The following KDM6A variants were observed in gnomAD, a reference collection of about 807,000 sequenced individuals.
The protein encoded by KDM6A is lysine-specific demethylase 6A.
In KDM6A, 11 loss-of-function variants were observed where a neutral mutation model predicts 117.6. That is an observed-to-expected ratio of 0.09 (90% CI 0.06 to 0.15). The LOEUF (loss-of-function observed/expected upper bound fraction) is 0.15. KDM6A is among the 10% of genes least tolerant of loss of function. The pLI is 1.00. For synonymous variants in KDM6A, 384 were observed against 396.1 expected (o/e 0.97, Z 0.36); for missense variants, 799 against 1,077.3 (o/e 0.74, Z 3.62).
intron 2 of KDM6A, among the ~76,000 whole-genome samples, chrX:44,876,963 G>A (rs776795750): frequency 9.0e-6 from 1 of 110,761 alleles, no homozygotes; most frequent in South Asian, 3.6e-4. Flanking sequence ...ATATACGCAC[G>A]TATATGAATA....
intron 2 of KDM6A, among the ~76,000 whole-genome samples, chrX:44,930,719 T>TA (rs946025789): frequency 8.0e-5 from 9 of 112,172 alleles, no homozygotes; most frequent in African/African-American, 2.9e-4. Context: ...AGTTGAAAGA[T>TA]ACGCACTTTT....
intron 27 of KDM6A, among the ~76,000 whole-genome samples, chrX:45,093,152 C>T (rs186864750): frequency 1.8e-5 from 2 of 109,657 alleles, no homozygotes; most frequent in East Asian, 2.9e-4. Flanking sequence ...GAGGCCGAGG[C>T]GAGCCGGATC....
At chrX:44,930,320 T>A (rs1434954337) in intron 2 of KDM6A, among the ~76,000 whole-genome samples, 1 of 111,826 alleles carries the variant, frequency 8.9e-6, no homozygotes, top group African/African-American at 3.3e-5. Flanking sequence ...ATTTTTTCTC[T>A]GATGTATTGT....
chrX:44,967,174 T>C (rs1275287548), intron 3 of KDM6A, among the ~76,000 whole-genome samples: 2 of 111,548 alleles, frequency 1.8e-5, no homozygotes, highest in Non-Finnish European at 3.8e-5. Flanking sequence ...CTGGCTAAAA[T>C]AAAATTCTCT....
chrX:44,989,277 C>G (rs1286678517), intron 4 of KDM6A, among the ~76,000 whole-genome samples: 1 of 102,207 alleles, frequency 9.8e-6, no homozygotes, highest in Non-Finnish European at 2.0e-5. Flanking sequence ...TGGGAGTGAC[C>G]TGATTTTCCG....
At chrX:44,970,438 A>G (rs1250941682) in intron 3 of KDM6A, among the ~76,000 whole-genome samples, 2 of 110,776 alleles carry the variant, frequency 1.8e-5, no homozygotes, top group African/African-American at 6.6e-5. Context: ...GTTTTTTTGT[A>G]ACATCTTTTC....
intron 6 of KDM6A, among the ~76,000 whole-genome samples, chrX:45,032,889 A>C (rs2042658293): frequency 8.9e-6 from 1 of 112,606 alleles, no homozygotes; most frequent in African/African-American, 3.2e-5. Context: ...ATTACACAAA[A>C]CATGGTCAAG....
rs192587132 is a variant in KDM6A at position 45,067,367 on chromosome X, C to T, written c.2080-2212C>T. 6.2e-3 allele frequency among the ~76,000 whole-genome samples: 690 copies of T among 111,767 alleles called. 6 individuals carry two copies. Among genetic ancestry groups the T allele is most frequent in the African/African-American group, 0.021 (637 of 30,764 alleles). The stretch of plus-strand genomic sequence containing the variant: ...TAGAGAAGATGTAATAAAATAGTTA[C>T]TTTGTCACATTTCTGCATATTGTAA... On this transcript the variant is annotated intron_variant, in intron 17 of 29. Coordinates refer to ENST00000611820, the MANE Select transcript of KDM6A (RefSeq NM_001291415.2).
chrX:44,922,708 A>G (rs1381356908), intron 2 of KDM6A, among the ~76,000 whole-genome samples: 1 of 112,622 alleles, frequency 8.9e-6, no homozygotes, highest in Non-Finnish European at 1.9e-5. Flanking sequence ...ACCTCAGGTG[A>G]TCCTCCCGCC....
At chrX:44,885,375 C>T (rs2146547780) in intron 2 of KDM6A, among the ~76,000 whole-genome samples, 1 of 110,316 alleles carries the variant, frequency 9.1e-6, no homozygotes, top group Admixed American at 9.8e-5. Context: ...TGCCCCCATC[C>T]TAATTGCAGC....
chrX:45,061,441 A>G lies in KDM6A; in HGVS notation c.1581+22A>G, dbSNP rs745571937. The stretch of plus-strand genomic sequence containing the variant: ...ACAGGTATGTAAGATGTTTTTGACA[A>G]ATTGTTTATTAAAAAGGAGTAGAGG... On this transcript the variant is annotated intron_variant, in intron 15 of 29. Transcript: ENST00000611820. 6.1e-5 allele frequency: 53 copies of G among 874,822 alleles called. No individual in the cohort carries two copies. The South Asian group carries it at 1.1e-3, about 19-fold the overall frequency. 72.1% of individuals were successfully genotyped at this position (874,822 alleles called of 1,213,427 possible).
chrX:44,957,052 C>T (rs1008139770), intron 2 of KDM6A, among the ~76,000 whole-genome samples: 4 of 110,368 alleles, frequency 3.6e-5, no homozygotes, highest in African/African-American at 1.3e-4. Context: ...ATCGCTTGCA[C>T]GCAGGAGGCC....
rs758859596 is a variant in KDM6A at position 44,984,357 on chromosome X, G to A, written c.384+9642G>A. ...TTGTAAAAATTTTCTCCCATTTTGT[G>A]GGTTGCCTGTTCACTCTGATGGTAG... On this transcript the variant is annotated intron_variant, in intron 4 of 29. Transcript: ENST00000611820. 3.0e-3 allele frequency among the ~76,000 whole-genome samples: 336 copies of A among 111,015 alleles called. 4 individuals are homozygous for A. In the South Asian group the frequency reaches 0.035, roughly 11 times the overall value.
intron 4 of KDM6A, among the ~76,000 whole-genome samples, chrX:44,987,682 G>A (rs2040313245): frequency 9.0e-6 from 1 of 111,414 alleles, no homozygotes; most frequent in African/African-American, 3.3e-5. Flanking sequence ...AGTTTGGCTG[G>A]ATATGAAATT....
At chrX:45,015,918 C>T (rs2041942661) in intron 5 of KDM6A, among the ~76,000 whole-genome samples, 1 of 111,309 alleles carries the variant, frequency 9.0e-6, no homozygotes, top group African/African-American at 3.3e-5. Flanking sequence ...AATAATCCCA[C>T]TCCTGAAGTG....
chrX:45,026,952 GTTTC>G (rs967388723), intron 6 of KDM6A, among the ~76,000 whole-genome samples: 1 of 110,844 alleles, frequency 9.0e-6, no homozygotes, highest in African/African-American at 3.3e-5. Context: ...TATTTGTAAT[GTTTC>G]TTTATTGACA....
chrX:44,985,643 C>A (rs1030304724), intron 4 of KDM6A, among the ~76,000 whole-genome samples: 2 of 111,491 alleles, frequency 1.8e-5, no homozygotes, highest in South Asian at 7.5e-4. Context: ...TTGTCAAAGG[C>A]CTTTTCTGCA....
chrX:45,019,192 TA>T lies in KDM6A; in HGVS notation c.444-1417del, dbSNP rs750941465. ...CTGCCTTTAAATGAGAATGGTAATTTACCACAGTTTTTGCCTGTCAGTGCTT... is the reference window on the plus strand; with the variant it reads ...CTGCCTTTAAATGAGAATGGTAATTTCCACAGTTTTTGCCTGTCAGTGCTT... On this transcript the variant is annotated intron_variant, in intron 5 of 29. Coordinates refer to ENST00000611820, the MANE Select transcript of KDM6A (RefSeq NM_001291415.2). 4.6e-4 allele frequency among the ~76,000 whole-genome samples: 51 copies of T among 111,332 alleles called. No individual in the cohort carries two copies. In the East Asian group the frequency reaches 0.013, roughly 29 times the overall value.
At chrX:45,040,498 T>C (rs1602683408) in intron 8 of KDM6A, among the ~76,000 whole-genome samples, 1 of 67,556 alleles carries the variant, frequency 1.5e-5, no homozygotes, top group Non-Finnish European at 2.9e-5. Flanking sequence ...GGCGGGGGGC[T>C]GACCCCCCCA....
Sources: allele counts gnomAD v4.1 joint callset (sites outside exome capture counted in the v4.1 genomes callset), GRCh38; gene constraint gnomAD v4.1.1; transcripts MANE v1.5; gene names NCBI Gene and HGNC (gene_info 2026-07-23, HGNC 2026-07-21).